NUDCD3: variants seen among roughly 807,000 people sequenced by gnomAD.
NUDCD3 encodes the protein NudC domain containing 3, also known as nudC domain-containing protein 3.
NUDCD3 carries 13 observed loss-of-function variants against 39.7 expected under a neutral mutation model. The ratio of observed to expected loss-of-function variants is 0.33; its 90% confidence interval spans 0.21 to 0.52. The LOEUF is 0.52. Among genes scored for constraint, NUDCD3 ranks in the 20% least tolerant of loss-of-function variants. The pLI, the probability that NUDCD3 is intolerant of heterozygous loss-of-function variation, is 0.96. For missense variants in NUDCD3, 453 were observed against 458.1 expected (o/e 0.99, Z 0.10); for synonymous variants, 175 against 172.4 (o/e 1.02, Z -0.12).
At chr7:44,392,008 C>A (rs1798526104) in intron 5 of NUDCD3, among the ~76,000 whole-genome samples, 1 of 152,306 alleles carries the variant, frequency 6.6e-6, no homozygotes, top group South Asian at 2.1e-4. Context: ...CTTGATGTTA[C>A]CAGGCTCTGG....
chr7:44,434,367 G>T (rs1189700279), intron 2 of NUDCD3, among the ~76,000 whole-genome samples: 1 of 152,062 alleles, frequency 6.6e-6, no homozygotes, highest in Non-Finnish European at 1.5e-5. Flanking sequence ...CTACTCCCAG[G>T]CTTCCACACA....
At chr7:44,424,497 C>T (rs544676618) in intron 3 of NUDCD3, among the ~76,000 whole-genome samples, 1 of 152,254 alleles carries the variant, frequency 6.6e-6, no homozygotes, top group South Asian at 2.1e-4. Context: ...AGAGACACTT[C>T]TCAAAAGAAG....
intron 2 of NUDCD3, chr7:44,484,347 T>C (rs1246525323): frequency 6.6e-6 from 1 of 152,328 alleles, no homozygotes; most frequent in Non-Finnish European, 1.5e-5. Flanking sequence ...GAGGCTTGAT[T>C]CAGGGAAACC....
At chr7:44,392,755 C>A (rs1798544617) in intron 4 of NUDCD3, among the ~76,000 whole-genome samples, 1 of 152,112 alleles carries the variant, frequency 6.6e-6, no homozygotes, top group Non-Finnish European at 1.5e-5. Flanking sequence ...TGCCTTTATC[C>A]TTCTTCAGCA....
intron 3 of NUDCD3, among the ~76,000 whole-genome samples, chr7:44,417,206 C>T (rs1170184491): frequency 6.6e-6 from 1 of 152,148 alleles, no homozygotes; most frequent in Non-Finnish European, 1.5e-5. Context: ...CAGGGTTATC[C>T]TTGGTGATAG....
Position 44,386,136 on chromosome 7 carries a change from T to C in NUDCD3, c.976-15A>G. ...TCATGGACTTTCTACAAACAGAAAA[T>C]AGAGAGATTAAAGGGGATCACAACG... On this transcript the variant is annotated splice_polypyrimidine_tract_variant and intron_variant, in intron 5 of 5. Transcript: ENST00000355451. The C allele has an allele frequency of 1.2e-6, 2 of 1,613,520 alleles. No homozygotes were observed. Among genetic ancestry groups the C allele is most frequent in the South Asian group, 1.1e-5 (1 of 91,060 alleles).
chr7:44,394,874 G>A (rs564067473), intron 4 of NUDCD3, among the ~76,000 whole-genome samples: 16 of 152,172 alleles, frequency 1.1e-4, no homozygotes, highest in Non-Finnish European at 1.8e-4. Flanking sequence ...CACTGGCCAG[G>A]TCCAAACACA....
chr7:44,430,132 C>A (rs987643377), intron 2 of NUDCD3, among the ~76,000 whole-genome samples: 2 of 152,122 alleles, frequency 1.3e-5, no homozygotes, highest in Admixed American at 1.3e-4. Context: ...TAGGTATTAT[C>A]CAAACTCCCT....
At chr7:44,413,122 A>G (rs993788453) in intron 3 of NUDCD3, 6 of 152,068 alleles carry the variant, frequency 3.9e-5, no homozygotes, top group African/African-American at 1.2e-4. Flanking sequence ...AAGCCATGAA[A>G]AAACAAAGAA....
At position 44,490,460 on chromosome 7, in the gene NUDCD3, T is replaced by A. The variant is rs777806811; in HGVS notation, c.141A>T (p.Pro47=). 1 of 1,598,566 alleles carries A rather than the reference T, an allele frequency of 6.3e-7. No individual in the cohort carries two copies. The highest frequency in any genetic ancestry group is 8.5e-7 in the Non-Finnish European group (1 of 1,173,874). The change falls in exon 1 of 6, where the codon CCA becomes CCT. Residue 47 remains proline, a synonymous_variant. Transcript: ENST00000355451. ...CGGGCGGGAAGCCCATGCGGTCCGA[T>A]GGGTGGCGCAGCAAGCGATAGAAGT... ...KTDFYRLLRH[P]SDRMGFPPGA...
At chr7:44,407,867 A>G (rs1026004611) in intron 3 of NUDCD3, among the ~76,000 whole-genome samples, 9 of 152,220 alleles carry the variant, frequency 5.9e-5, no homozygotes, top group Non-Finnish European at 4.4e-5. Flanking sequence ...AGGTAGAAAC[A>G]CAGATCAATT....
At chr7:44,451,802 G>A (rs1405239805) in intron 2 of NUDCD3, among the ~76,000 whole-genome samples, 2 of 152,164 alleles carry the variant, frequency 1.3e-5, no homozygotes, top group African/African-American at 4.8e-5. Context: ...GGACTAAGTT[G>A]AAAAGAAGGT....
chr7:44,446,842 T>C (rs550037351), intron 2 of NUDCD3, among the ~76,000 whole-genome samples: 5 of 152,362 alleles, frequency 3.3e-5, no homozygotes, highest in African/African-American at 9.6e-5. Context: ...AACATGATTA[T>C]ATGATTTGAC....
chr7:44,404,327 G>A, intron 4 of NUDCD3, 113 bp downstream of exon 4: 1 of 1,094,342 alleles, frequency 9.1e-7, no homozygotes, highest in South Asian at 1.5e-5. Flanking sequence ...TGCCCCAGCA[G>A]CTGAAATTAA....
intron 2 of NUDCD3, among the ~76,000 whole-genome samples, chr7:44,429,125 G>T (rs2116904563): frequency 6.6e-6 from 1 of 152,304 alleles, no homozygotes; most frequent in South Asian, 2.1e-4. Flanking sequence ...GGTATGCCCT[G>T]CACACTGTCT....
At chr7:44,416,033 T>TA (rs576494670) in intron 3 of NUDCD3, among the ~76,000 whole-genome samples, 115 of 149,920 alleles carry the variant, frequency 7.7e-4, no homozygotes, top group African/African-American at 2.4e-3. Context: ...GAGGTACGAC[T>TA]AAAAAAAAAA....
intron 2 of NUDCD3, among the ~76,000 whole-genome samples, chr7:44,450,718 C>T (rs1799779465): frequency 1.3e-5 from 2 of 152,010 alleles, no homozygotes. Context: ...GGATGTAAAG[C>T]ATACAGTACT....
At chr7:44,430,558 ACACACACACACT>A (rs1482226347) in intron 2 of NUDCD3, among the ~76,000 whole-genome samples, 559 of 142,316 alleles carry the variant, frequency 3.9e-3, no homozygotes, top group African/African-American at 0.015. Context: ...AAATACCCAC[ACACACACACACT>A]CACACACACA....
intron 2 of NUDCD3, among the ~76,000 whole-genome samples, chr7:44,437,348 G>A (rs887439090): frequency 2.6e-5 from 4 of 152,104 alleles, no homozygotes; most frequent in Admixed American, 1.3e-4. Context: ...GATTACAGGC[G>A]TGAGCCACCA....
Sources: allele counts gnomAD v4.1 joint callset (sites outside exome capture counted in the v4.1 genomes callset), GRCh38; gene constraint gnomAD v4.1.1; transcripts MANE v1.5; gene names NCBI Gene and HGNC (gene_info 2026-07-23, HGNC 2026-07-21).